ARHGAP44: variants seen among roughly 807,000 people sequenced by gnomAD.
ARHGAP44 encodes the protein Rho GTPase activating protein 44, also known as rho GTPase-activating protein 44.
In ARHGAP44, 43 loss-of-function variants were observed where a neutral mutation model predicts 106.8. That is an observed-to-expected ratio of 0.40 (90% confidence interval 0.32 to 0.52). ARHGAP44 has a LOEUF of 0.52. ARHGAP44 is among the 20% of genes least tolerant of loss of function. The pLI is 0.48. For synonymous variants in ARHGAP44, 439 were observed against 410.3 expected (o/e 1.07, Z -0.85); for missense variants, 866 against 1,050.5 (o/e 0.82, Z 2.43).
At chr17:12,981,400 CT>C (rs113607267) in intron 19 of ARHGAP44, among the ~76,000 whole-genome samples, 13,394 of 145,598 alleles carry the variant, frequency 0.092, 772 homozygotes, top group Middle Eastern at 0.2. Flanking sequence ...TTGGTTATGT[CT>C]TTTTTTTTTT....
chr17:12,984,040 G>T, intron 19 of ARHGAP44, among the ~76,000 whole-genome samples: 2 of 152,296 alleles, frequency 1.3e-5, no homozygotes, highest in Middle Eastern at 3.4e-3. Flanking sequence ...CACTGGACAG[G>T]TTCAGCCAAA....
intron 1 of ARHGAP44, among the ~76,000 whole-genome samples, chr17:12,856,915 T>C (rs1229969769): frequency 6.6e-6 from 1 of 152,200 alleles, no homozygotes; most frequent in Non-Finnish European, 1.5e-5. Context: ...CCCTGTCCTT[T>C]CCCACATTTT....
intron 1 of ARHGAP44, among the ~76,000 whole-genome samples, chr17:12,885,017 C>T (rs889475261): frequency 6.6e-6 from 1 of 152,176 alleles, no homozygotes; most frequent in African/African-American, 2.4e-5. Flanking sequence ...TCTTCTGCCT[C>T]AGCCTCCTGA....
At chr17:12,848,844 C>A (rs1420402277) in intron 1 of ARHGAP44, among the ~76,000 whole-genome samples, 1 of 152,004 alleles carries the variant, frequency 6.6e-6, no homozygotes, top group African/African-American at 2.4e-5. Context: ...GTCAGGAGTT[C>A]GAGACCAGCC....
chr17:12,911,936 G>T, intron 4 of ARHGAP44, among the ~76,000 whole-genome samples: 1 of 152,218 alleles, frequency 6.6e-6, no homozygotes, highest in East Asian at 1.9e-4. Flanking sequence ...ATCTGAGGAT[G>T]TTGGAGGGGG....
At chr17:12,884,410 G>A (rs2036825664) in intron 1 of ARHGAP44, among the ~76,000 whole-genome samples, 1 of 152,056 alleles carries the variant, frequency 6.6e-6, no homozygotes, top group African/African-American at 2.4e-5. Flanking sequence ...CCCTTGTAAT[G>A]TTTATTACAT....
At chr17:12,834,951 T>C (rs2035193371) in intron 1 of ARHGAP44, among the ~76,000 whole-genome samples, 1 of 152,210 alleles carries the variant, frequency 6.6e-6, no homozygotes, top group African/African-American at 2.4e-5. Flanking sequence ...GCAAGTTTAA[T>C]TGCCTGTAAT....
chr17:12,933,557 C>G (rs1244734946), intron 7 of ARHGAP44, among the ~76,000 whole-genome samples: 8 of 152,194 alleles, frequency 5.3e-5, no homozygotes, highest in Non-Finnish European at 1.0e-4. Context: ...CTTGCTTTCT[C>G]TTTTCTTCCC....
chr17:12,897,266 T>G (rs1204097179), intron 3 of ARHGAP44, among the ~76,000 whole-genome samples: 1 of 151,670 alleles, frequency 6.6e-6, no homozygotes, highest in African/African-American at 2.4e-5. Context: ...TAGACATTTT[T>G]TTTTTGACTT....
chr17:12,903,126 G>GAGAGAGAGAGAGGGGA (rs57334058), intron 3 of ARHGAP44, among the ~76,000 whole-genome samples: 1 of 70,700 alleles, frequency 1.4e-5, no homozygotes, highest in South Asian at 6.7e-4. Flanking sequence ...GAGAGAGAGA[G>GAGAGAGAGAGAGGGGA]GAGAGAGAGA....
intron 1 of ARHGAP44, among the ~76,000 whole-genome samples, chr17:12,830,099 G>A (rs1306685557): frequency 6.6e-6 from 1 of 152,160 alleles, no homozygotes; most frequent in Non-Finnish European, 1.5e-5. Context: ...GGTTATTTAA[G>A]TCCTGGGGTT....
At chr17:12,948,704 T>C (rs1287821712) in intron 10 of ARHGAP44, among the ~76,000 whole-genome samples, 1 of 73,704 alleles carries the variant, frequency 1.4e-5, no homozygotes, top group Non-Finnish European at 2.6e-5. Flanking sequence ...AGTATAGCCC[T>C]GGTTCCTCCC....
At chr17:12,862,344 G>A (rs567698657) in intron 1 of ARHGAP44, among the ~76,000 whole-genome samples, 7 of 152,258 alleles carry the variant, frequency 4.6e-5, no homozygotes, top group East Asian at 3.9e-4. Context: ...ACCCTTGCAC[G>A]TTTTAGTCAT....
At chr17:12,882,900 T>G (rs2036780756) in intron 1 of ARHGAP44, among the ~76,000 whole-genome samples, 1 of 152,050 alleles carries the variant, frequency 6.6e-6, no homozygotes, top group South Asian at 2.1e-4. Context: ...TTATGCTTGT[T>G]TCTCAGAATG....
At chr17:12,960,151 G>A (rs1285249753) in intron 16 of ARHGAP44, among the ~76,000 whole-genome samples, 1 of 152,174 alleles carries the variant, frequency 6.6e-6, no homozygotes, top group Admixed American at 6.5e-5. Context: ...GCAGATGGGA[G>A]TTGTTTGTGT....
chr17:12,931,645 C>T (rs555787961), intron 7 of ARHGAP44, among the ~76,000 whole-genome samples: 2 of 151,192 alleles, frequency 1.3e-5, no homozygotes, highest in Admixed American at 6.6e-5. Context: ...TACAGGCGCC[C>T]GCCACCACGC....
intron 5 of ARHGAP44, among the ~76,000 whole-genome samples, chr17:12,919,410 G>T (rs2038010743): frequency 8.7e-6 from 1 of 115,534 alleles, no homozygotes; most frequent in Non-Finnish European, 1.8e-5. Context: ...TTTTGAGACG[G>T]AGTCTCGCTC....
chr17:12,919,882 A>G (rs2038024252), intron 6 of ARHGAP44, 51 bp downstream of exon 6: 1 of 1,518,622 alleles, frequency 6.6e-7, no homozygotes, highest in Non-Finnish European at 9.0e-7. Flanking sequence ...CAGTGATCAT[A>G]TTTTGGGCGG....
At chr17:12,926,648 A>G (rs1412486925) in intron 6 of ARHGAP44, among the ~76,000 whole-genome samples, 2 of 150,932 alleles carry the variant, frequency 1.3e-5, no homozygotes, top group Non-Finnish European at 2.9e-5. Flanking sequence ...ATCTGGAGGA[A>G]AAAATAGATG....
Sources: gnomAD v4.1 joint callset for allele counts (sites outside exome capture counted in the v4.1 genomes callset) on GRCh38, gnomAD v4.1.1 for gene constraint, MANE v1.5 for transcripts, NCBI Gene and HGNC (gene_info 2026-07-23, HGNC 2026-07-21) for gene names.